AFG2A: variants seen among roughly 807,000 people sequenced by gnomAD.
AFG2A encodes AAA ATPase AFG2A.
At chr4:122,968,886 T>C in the AFG2A span, among the ~76,000 whole-genome samples, 8 of 152,180 alleles carry the variant, frequency 5.3e-5, no homozygotes, top group Admixed American at 6.6e-5. Context: ...TGAGTACTTT[T>C]TATATTTGAA....
chr4:123,244,904 T>C, the AFG2A span, among the ~76,000 whole-genome samples: 1 of 152,202 alleles, frequency 6.6e-6, no homozygotes. Context: ...GAATATCTTA[T>C]GGTTCAGCAG....
At chr4:123,038,598 G>A in the AFG2A span, among the ~76,000 whole-genome samples, 9 of 151,954 alleles carry the variant, frequency 5.9e-5, no homozygotes, top group South Asian at 2.1e-4. Context: ...CGAGACCAAT[G>A]CAACATACGA....
chr4:123,292,271 AT>A, the AFG2A span, among the ~76,000 whole-genome samples: 9 of 152,064 alleles, frequency 5.9e-5, no homozygotes, highest in Admixed American at 5.9e-4. Context: ...CATATTCTAA[AT>A]TGTTATTGTG....
chr4:122,979,050 G>A, the AFG2A span, among the ~76,000 whole-genome samples: 2 of 152,324 alleles, frequency 1.3e-5, no homozygotes, highest in Admixed American at 1.3e-4. Context: ...TTGGAAAAGA[G>A]CAGGGCTCCT....
chr4:123,163,211 G>A, the AFG2A span, among the ~76,000 whole-genome samples: 1 of 152,146 alleles, frequency 6.6e-6, no homozygotes, highest in East Asian at 1.9e-4. Context: ...CGAGGCGGGT[G>A]GATCACAAGG....
the AFG2A span, among the ~76,000 whole-genome samples, chr4:123,220,868 T>C: frequency 7.4e-3 from 1,128 of 152,258 alleles, 5 homozygotes; most frequent in Middle Eastern, 0.044. Flanking sequence ...TTGTGTAAGA[T>C]TGGCACATGT....
At chr4:123,132,906 C>A in the AFG2A span, among the ~76,000 whole-genome samples, 84 of 151,862 alleles carry the variant, frequency 5.5e-4, no homozygotes, top group Middle Eastern at 3.4e-3. Context: ...TCAGCCTCCC[C>A]GGTAGCTGGG....
the AFG2A span, among the ~76,000 whole-genome samples, chr4:123,138,541 G>A: frequency 4.7e-4 from 71 of 152,010 alleles, no homozygotes; most frequent in Middle Eastern, 3.4e-3. Context: ...ACTAGTTTTG[G>A]AATCAAAACA....
chr4:123,316,090 T>A, the AFG2A span: 3 of 152,210 alleles, frequency 2.0e-5, no homozygotes, highest in African/African-American at 7.2e-5. Context: ...TGTGGTGACA[T>A]ATATTCTGAA....
the AFG2A span, among the ~76,000 whole-genome samples, chr4:123,057,632 A>G: frequency 3.3e-5 from 5 of 152,226 alleles, no homozygotes; most frequent in African/African-American, 1.2e-4. Flanking sequence ...TGGATTAATC[A>G]TAATTACTTC....
chr4:122,987,446 T>G, the AFG2A span, among the ~76,000 whole-genome samples: 1 of 152,104 alleles, frequency 6.6e-6, no homozygotes, highest in African/African-American at 2.4e-5. Flanking sequence ...GGTAAGGGCT[T>G]ACTAGAGCTA....
the AFG2A span, among the ~76,000 whole-genome samples, chr4:123,001,392 T>C: frequency 6.6e-6 from 1 of 152,180 alleles, no homozygotes; most frequent in African/African-American, 2.4e-5. Context: ...CTAATTGTGA[T>C]GTTAGGGTGT....
chr4:123,136,411 A>G, the AFG2A span, among the ~76,000 whole-genome samples: 2 of 151,954 alleles, frequency 1.3e-5, no homozygotes, highest in Admixed American at 1.3e-4. Flanking sequence ...GCTCACCCCT[A>G]TAATCCCAGC....
the AFG2A span, among the ~76,000 whole-genome samples, chr4:122,958,883 A>G: frequency 6.6e-6 from 1 of 152,218 alleles, no homozygotes. Context: ...GGCAGGATCT[A>G]TAATGTTTTC....
chr4:123,316,124 T>G, the AFG2A span: 2 of 152,156 alleles, frequency 1.3e-5, no homozygotes, highest in Non-Finnish European at 2.9e-5. Context: ...TATTTAATCC[T>G]CAAATATATT....
chr4:122,934,243 G>A, the AFG2A span: 1 of 1,614,166 alleles, frequency 6.2e-7, no homozygotes, highest in South Asian at 1.1e-5. Context: ...CCAAAGAATG[G>A]CCTTTGAACA....
the AFG2A span, among the ~76,000 whole-genome samples, chr4:123,038,770 C>T: frequency 6.6e-6 from 1 of 152,172 alleles, no homozygotes; most frequent in African/African-American, 2.4e-5. Flanking sequence ...CTTCACAGTG[C>T]CAGATTTTCA....
At chr4:122,961,526 C>T in the AFG2A span, among the ~76,000 whole-genome samples, 12 of 152,262 alleles carry the variant, frequency 7.9e-5, no homozygotes, top group South Asian at 1.0e-3. Context: ...CTTTTTGAGA[C>T]GGAGTCTTAC....
the AFG2A span, chr4:122,935,905 A>T: frequency 4.1e-6 from 6 of 1,477,754 alleles, no homozygotes; most frequent in Non-Finnish European, 5.4e-6. Flanking sequence ...TGTGGTTTTT[A>T]AAAATGATTG....
Sources: gnomAD v4.1 joint callset for allele counts (sites outside exome capture counted in the v4.1 genomes callset) on GRCh38, gnomAD v4.1.1 for gene constraint, MANE v1.5 for transcripts, NCBI Gene and HGNC (gene_info 2026-07-23, HGNC 2026-07-21) for gene names.